The following RAPH1 variants were observed in gnomAD, a reference collection of about 807,000 sequenced individuals.
RAPH1 encodes the protein Ras association (RalGDS/AF-6) and pleckstrin homology domains 1, also known as ras-associated and pleckstrin homology domains-containing protein 1.
A neutral mutation model predicts 88.1 loss-of-function variants in RAPH1; 18 were observed. The ratio of observed to expected loss-of-function variants is 0.20; its 90% CI spans 0.14 to 0.30. RAPH1 has a LOEUF of 0.30. Among genes scored for constraint, RAPH1 ranks in the 10% least tolerant of loss-of-function variants. The pLI is 1.00. For synonymous variants in RAPH1, 587 were observed against 559.0 expected (o/e 1.05, Z -0.71); for missense variants, 1,448 against 1,543.2 (o/e 0.94, Z 1.03).
At chr2:203,526,697 ACT>A (rs1344495023) in intron 1 of RAPH1, among the ~76,000 whole-genome samples, 1 of 131,542 alleles carries the variant, frequency 7.6e-6, no homozygotes, top group African/African-American at 3.0e-5. Context: ...TAGGAGCGAA[ACT>A]CTGTCTCAAA....
Position 203,436,061 on chromosome 2 carries a change from A to AT in RAPH1, c.*3375dup, listed in dbSNP as rs1427954661. On this transcript the variant is annotated 3_prime_UTR_variant, in exon 14 of 14. Coordinates refer to ENST00000319170, the MANE Select transcript of RAPH1 (RefSeq NM_213589.3). ...TTGTCACTTGGTTGGAATTATTATG[A>AT]TCCCCCAATTTAAATTTTCTTGATA... 6.6e-6 allele frequency: 1 copy of AT among 152,146 alleles called. No individual in the cohort carries two copies. The highest frequency in any genetic ancestry group is 1.5e-5 in the Non-Finnish European group (1 of 68,018). The allele number at this position is 152,146 out of a possible 1,614,324, so 9.4% of individuals were successfully genotyped here. A position where few individuals can be genotyped will look rare whatever the true frequency, so the allele number is the denominator to read the frequency against.
intron 4 of RAPH1, among the ~76,000 whole-genome samples, chr2:203,488,295 G>GAT (rs927972411): frequency 4.3e-4 from 65 of 152,170 alleles, no homozygotes; most frequent in African/African-American, 1.4e-3. Context: ...CAGGAAGGCA[G>GAT]ATATAGTATT....
rs2153633882 is a variant in RAPH1 at position 203,442,018 on chromosome 2, A to G, written c.1777-605T>C. ...ACTCGTGTTGGTGTGAGACAATTGC[A>G]TCCAACATGCACAGAAGTCCAGCAA... On this transcript the variant is annotated intron_variant, in intron 13 of 13. Transcript: ENST00000319170. 1.9e-6 allele frequency: 3 copies of G among 1,561,588 alleles called. No individual in the cohort carries two copies. The East Asian group carries it at 6.9e-5, about 36-fold the overall frequency.
intron 13 of RAPH1, chr2:203,442,177 G>C: frequency 7.9e-7 from 1 of 1,272,974 alleles, no homozygotes; most frequent in Non-Finnish European, 1.1e-6. Flanking sequence ...AGGAAGCTCT[G>C]GAAGGCTAGA....
At chr2:203,507,425 A>T (rs553504228) in intron 1 of RAPH1, among the ~76,000 whole-genome samples, 1 of 152,222 alleles carries the variant, frequency 6.6e-6, no homozygotes, top group Non-Finnish European at 1.5e-5. Context: ...CTAGTAGGTG[A>T]AAATTTGATG....
intron 1 of RAPH1, among the ~76,000 whole-genome samples, chr2:203,507,524 A>G (rs1689144615): frequency 6.6e-6 from 1 of 152,200 alleles, no homozygotes; most frequent in African/African-American, 2.4e-5. Context: ...AAGGCAAACC[A>G]ACATCAGAGG....
Position 203,512,355 on chromosome 2 carries a change from CA to C in RAPH1, c.1-17003del, listed in dbSNP as rs371978714. ...TGGGTGACAGAGTGAGACTCTGTCT[CA>C]AAAAAAAAAAAAAAACCCAAAAAAC... On this transcript the variant is annotated intron_variant, in intron 1 of 13. Coordinates refer to ENST00000319170, the MANE Select transcript of RAPH1 (RefSeq NM_213589.3). 4.2e-3 allele frequency among the ~76,000 whole-genome samples: 430 copies of C among 103,576 alleles called. 2 individuals are homozygous for C. Among genetic ancestry groups the C allele is most frequent in the Middle Eastern group, 0.04 (7 of 176 alleles). The allele number at this position is 103,576 out of a possible 152,430, so 67.9% of individuals were successfully genotyped here. A position where few individuals can be genotyped will look rare whatever the true frequency, so the allele number is the denominator to read the frequency against.
intron 1 of RAPH1, among the ~76,000 whole-genome samples, chr2:203,505,256 G>A (rs1397511749): frequency 6.6e-6 from 1 of 152,168 alleles, no homozygotes; most frequent in Non-Finnish European, 1.5e-5. Context: ...TGGACTCACA[G>A]TTCCACATGG....
intron 4 of RAPH1, among the ~76,000 whole-genome samples, chr2:203,480,602 A>G (rs757889122): frequency 2.6e-4 from 39 of 152,332 alleles, no homozygotes; most frequent in Non-Finnish European, 4.3e-4. Context: ...TGAACACAGG[A>G]GCCAAACCAT....
At position 203,504,999 on chromosome 2, in the gene RAPH1, A is replaced by G; in HGVS notation, c.1-9646T>C. ...GGATCTTATTGTTCATATCACTATCAGCATTTTTGTCAAAGCCATTCAACA... is the reference window on the plus strand; with the variant it reads ...GGATCTTATTGTTCATATCACTATCGGCATTTTTGTCAAAGCCATTCAACA... On this transcript the variant is annotated intron_variant, in intron 1 of 13. Transcript: ENST00000319170. 1.3e-5 allele frequency among the ~76,000 whole-genome samples: 2 copies of G among 152,178 alleles called. 1 individual carries two copies. The highest frequency in any genetic ancestry group is 2.9e-5 in the Non-Finnish European group (2 of 68,036).
intron 7 of RAPH1, 29 bp from the exon 8 acceptor site, chr2:203,457,624 G>A (rs751276382): frequency 1.3e-6 from 2 of 1,501,998 alleles, no homozygotes; most frequent in African/African-American, 1.4e-5. Context: ...GGAAGGGATG[G>A]GTGGGAGAGA....
intron 10 of RAPH1, among the ~76,000 whole-genome samples, chr2:203,449,392 C>G (rs1235024426): frequency 1.3e-5 from 2 of 152,172 alleles, no homozygotes; most frequent in Non-Finnish European, 1.5e-5. Flanking sequence ...CACTCTCTAC[C>G]AAACTGCAGG....
At chr2:203,528,310 G>A (rs1227147113) in intron 1 of RAPH1, among the ~76,000 whole-genome samples, 1 of 151,868 alleles carries the variant, frequency 6.6e-6, no homozygotes, top group Admixed American at 6.5e-5. Context: ...TCTAAGAACA[G>A]AGAAGCCATT....
intron 7 of RAPH1, among the ~76,000 whole-genome samples, chr2:203,458,946 TAG>T (rs1468954722): frequency 6.6e-6 from 1 of 152,090 alleles, no homozygotes; most frequent in Non-Finnish European, 1.5e-5. Flanking sequence ...GTATTTTTAG[TAG>T]AGACAGGGTT....
At chr2:203,524,173 C>T (rs1356767967) in intron 1 of RAPH1, among the ~76,000 whole-genome samples, 1 of 152,028 alleles carries the variant, frequency 6.6e-6, no homozygotes, top group Non-Finnish European at 1.5e-5. Context: ...TCCCAAATGA[C>T]TAAGAACATT....
At chr2:203,467,925 G>A (rs530274593) in intron 4 of RAPH1, among the ~76,000 whole-genome samples, 2 of 151,670 alleles carry the variant, frequency 1.3e-5, no homozygotes, top group East Asian at 2.0e-4. Flanking sequence ...GCACCACCAC[G>A]CCAGGCTAAT....
chr2:203,472,127 CTTTTTT>C (rs531692694), intron 4 of RAPH1, among the ~76,000 whole-genome samples: 2 of 140,714 alleles, frequency 1.4e-5, no homozygotes, highest in Non-Finnish European at 3.1e-5. Flanking sequence ...TTCTTTAGTT[CTTTTTT>C]TTTTTTTTTA....
chr2:203,482,527 T>C (rs1376446466), intron 4 of RAPH1, among the ~76,000 whole-genome samples: 1 of 152,240 alleles, frequency 6.6e-6, no homozygotes, highest in East Asian at 1.9e-4. Context: ...TGCTGAATCT[T>C]AAGAAAACTT....
intron 1 of RAPH1, among the ~76,000 whole-genome samples, chr2:203,533,096 C>T (rs1440048385): frequency 1.3e-5 from 2 of 152,118 alleles, no homozygotes; most frequent in East Asian, 3.8e-4. Context: ...GTTAAAAACA[C>T]CTCTTTGGAA....
Sources: allele counts gnomAD v4.1 joint callset (sites outside exome capture counted in the v4.1 genomes callset), GRCh38; gene constraint gnomAD v4.1.1; transcripts MANE v1.5; gene names NCBI Gene and HGNC (gene_info 2026-07-23, HGNC 2026-07-21).